The following RBFOX3 variants were observed in gnomAD, a reference collection of about 807,000 sequenced individuals.
The protein encoded by RBFOX3 is RNA binding protein fox-1 homolog 3.
In RBFOX3, 17 loss-of-function variants were observed where a neutral mutation model predicts 48.7. The observed-to-expected ratio is 0.35, with a 90% confidence interval of 0.24 to 0.52. The LOEUF is 0.52. Among genes scored for constraint, RBFOX3 ranks in the 20% least tolerant of loss-of-function variants. The pLI is 0.94. For synonymous variants in RBFOX3, 212 were observed against 209.5 expected, an observed-to-expected ratio of 1.01 and a Z score of -0.10; for missense variants, 382 against 497.5, an observed-to-expected ratio of 0.77 and a Z score of 2.21.
rs184456164 is a variant in RBFOX3, at chr17:79,257,811, G to A, written c.-73-22006C>T. On this transcript the variant is annotated intron_variant, in intron 3 of 14. Coordinates refer to ENST00000693108, the MANE Select transcript of RBFOX3 (RefSeq NM_001350451.2). ...GGTCAGGCTGGTCTTGAACTCCTGA[G>A]CTCAGGCAATACACTCGCCTCAGCC... Among the ~76,000 whole-genome samples, 1,158 of 152,222 alleles carry A rather than the reference G, an allele frequency of 7.6e-3. 10 individuals carry two copies. The highest frequency in any genetic ancestry group is 0.012 in the Non-Finnish European group (797 of 68,014).
At chr17:79,405,657 G>A (rs1382815856) in intron 2 of RBFOX3, among the ~76,000 whole-genome samples, 2 of 152,166 alleles carry the variant, frequency 1.3e-5, no homozygotes, top group Non-Finnish European at 2.9e-5. Context: ...AGAGGCAGAG[G>A]TTGCAGTGAG....
intron 3 of RBFOX3, among the ~76,000 whole-genome samples, chr17:79,238,025 C>T (rs764058356): frequency 2.0e-5 from 3 of 152,244 alleles, no homozygotes; most frequent in Non-Finnish European, 4.4e-5. Context: ...CAACCTCTGC[C>T]TCTCAGGTTC....
intron 4 of RBFOX3, among the ~76,000 whole-genome samples, chr17:79,209,041 G>C (rs8066445): frequency 1.3e-5 from 2 of 151,694 alleles, no homozygotes; most frequent in Non-Finnish European, 2.9e-5. Context: ...GGATGGTCTC[G>C]ATCTCCTGAC....
At chr17:79,582,782 C>CAAAAAAAAA (rs36155299) in intron 1 of RBFOX3, among the ~76,000 whole-genome samples, 1 of 46,898 alleles carries the variant, frequency 2.1e-5, no homozygotes, top group African/African-American at 1.0e-4. Flanking sequence ...GACCCCGTCT[C>CAAAAAAAAA]AAAAAAAAAA....
At chr17:79,432,592 A>C (rs2068663507) in intron 2 of RBFOX3, among the ~76,000 whole-genome samples, 1 of 152,250 alleles carries the variant, frequency 6.6e-6, no homozygotes, top group African/African-American at 2.4e-5. Flanking sequence ...AAGGACAATT[A>C]ATTAATTTGT....
the RBFOX3 span, among the ~76,000 whole-genome samples, chr17:79,644,789 T>C: frequency 6.6e-5 from 10 of 152,348 alleles, no homozygotes; most frequent in East Asian, 1.9e-3. Flanking sequence ...ATCATGATTA[T>C]GTAAGCAGAG....
At chr17:79,174,327 GAC>G (rs2050042047) in intron 4 of RBFOX3, among the ~76,000 whole-genome samples, 1 of 146,808 alleles carries the variant, frequency 6.8e-6, no homozygotes, top group East Asian at 2.1e-4. Flanking sequence ...CATGCACACA[GAC>G]ACACGCACAC....
intron 2 of RBFOX3, among the ~76,000 whole-genome samples, chr17:79,451,456 T>C: frequency 6.6e-6 from 1 of 152,134 alleles, no homozygotes; most frequent in Non-Finnish European, 1.5e-5. Flanking sequence ...GCTGGGGAAG[T>C]CTGTTCAAAT....
Position 79,352,662 on chromosome 17 carries a change from G to A in RBFOX3, c.-174-44838C>T, listed in dbSNP as rs1356282132. Among the ~76,000 whole-genome samples the A allele has an allele frequency of 3.9e-5, 6 of 152,334 alleles. No individual in the cohort carries two copies. In the East Asian group the frequency reaches 1.2e-3, roughly 29 times the overall value. On this transcript the variant is annotated intron_variant, in intron 2 of 14. Coordinates refer to ENST00000693108, the MANE Select transcript of RBFOX3 (RefSeq NM_001350451.2). ...TCAGAGTCCACTCTGGTTTACTGGTGTGGCCCACACCTCCTAGGGTTCCCT... is the reference window on the plus strand; with the variant it reads ...TCAGAGTCCACTCTGGTTTACTGGTATGGCCCACACCTCCTAGGGTTCCCT...
chr17:79,092,500 GTGCACTGTCT>G, intron 14 of RBFOX3: 1 of 986,138 alleles, frequency 1.0e-6, no homozygotes, highest in Non-Finnish European at 1.2e-6. Context: ...ACCGGGAGGG[GTGCACTGTCT>G]TCTGGTGGCT....
intron 1 of RBFOX3, among the ~76,000 whole-genome samples, chr17:79,492,699 A>C (rs2080868168): frequency 6.6e-6 from 1 of 152,256 alleles, no homozygotes. Flanking sequence ...AAAGCCATTA[A>C]ATTTGGGGAT....
chr17:79,179,834 C>T (rs2051467777), intron 4 of RBFOX3, among the ~76,000 whole-genome samples: 1 of 152,192 alleles, frequency 6.6e-6, no homozygotes. Context: ...CAACCCTCCT[C>T]ACTGGCCATC....
intron 2 of RBFOX3, among the ~76,000 whole-genome samples, chr17:79,468,922 G>A (rs1465477859): frequency 7.0e-6 from 1 of 141,912 alleles, no homozygotes; most frequent in Non-Finnish European, 1.5e-5. Flanking sequence ...AGATAGGCAG[G>A]CAGATAGAGA....
intron 4 of RBFOX3, among the ~76,000 whole-genome samples, chr17:79,143,067 A>G (rs8081183): frequency 0.5 from 75,504 of 151,928 alleles, 19,870 homozygotes; most frequent in Non-Finnish European, 0.59. Context: ...CCATCTGTAA[A>G]GGGGACTCAC....
At chr17:79,135,431 G>C (rs1163103637) in intron 4 of RBFOX3, among the ~76,000 whole-genome samples, 1 of 152,214 alleles carries the variant, frequency 6.6e-6, no homozygotes, top group African/African-American at 2.4e-5. Flanking sequence ...CCCACCTTTG[G>C]AGGGGGTTGC....
Position 79,535,427 on chromosome 17 carries a change from G to A in RBFOX3, c.-319-52829C>T, listed in dbSNP as rs1358217951. Among the ~76,000 whole-genome samples the A allele has an allele frequency of 1.3e-5, 2 of 152,168 alleles. No individual in the cohort carries two copies. Among genetic ancestry groups the A allele is most frequent in the African/African-American group, 4.8e-5 (2 of 41,446 alleles). Reference sequence around the variant, plus strand: ...TCTCCAGCAAAGCTCATTCCTACCTGTCCTCCGGAGAGTGTCACAAGGGGA... The same window carrying A: ...TCTCCAGCAAAGCTCATTCCTACCTATCCTCCGGAGAGTGTCACAAGGGGA... On this transcript the variant is annotated intron_variant, in intron 1 of 14. Coordinates refer to ENST00000693108, the MANE Select transcript of RBFOX3 (RefSeq NM_001350451.2). The surrounding 1 kb of genome is among the most constrained non-coding windows in gnomAD (Gnocchi z 4.5).
intron 1 of RBFOX3, among the ~76,000 whole-genome samples, chr17:79,526,590 C>T (rs1348229558): frequency 3.9e-5 from 6 of 152,124 alleles, no homozygotes; most frequent in African/African-American, 1.2e-4. Flanking sequence ...GAGCAGAGGA[C>T]GGTGGGGTTG....
intron 1 of RBFOX3, among the ~76,000 whole-genome samples, chr17:79,484,872 G>A (rs2079330834): frequency 1.3e-5 from 2 of 152,214 alleles, no homozygotes; most frequent in South Asian, 4.1e-4. Flanking sequence ...GCTTCCAGCT[G>A]TTCCAATGAC....
At chr17:79,127,516 G>A (rs1450907637) in intron 4 of RBFOX3, among the ~76,000 whole-genome samples, 3 of 151,992 alleles carry the variant, frequency 2.0e-5, no homozygotes, top group Non-Finnish European at 2.9e-5. Context: ...TTTTTAATGT[G>A]CATATTACAG....
Sources: gnomAD v4.1 joint callset for allele counts (sites outside exome capture counted in the v4.1 genomes callset) on GRCh38, gnomAD v4.1.1 for gene constraint, Gnocchi (gnomAD v3.1) non-coding constraint, MANE v1.5 for transcripts, NCBI Gene and HGNC (gene_info 2026-07-23, HGNC 2026-07-21) for gene names.